KAZN: variants seen among roughly 807,000 people sequenced by gnomAD.
The protein encoded by KAZN is kazrin.
Under a neutral mutation model 87.4 loss-of-function variants are expected in KAZN, and 40 were observed. The ratio of observed to expected loss-of-function variants is 0.46; its 90% CI spans 0.36 to 0.60. The LOEUF (loss-of-function observed/expected upper bound fraction) is 0.60. Ranked by LOEUF, KAZN falls within the 20% of genes least tolerant of loss-of-function variation. The pLI is 0.00. For missense variants in KAZN, 898 were observed against 1,073.9 expected (o/e 0.84, Z 2.29); for synonymous variants, 466 against 458.3 (o/e 1.02, Z -0.22).
chr1:14,000,130 G>C (rs1220559136), intron 1 of KAZN, among the ~76,000 whole-genome samples: 2 of 152,168 alleles, frequency 1.3e-5, no homozygotes, highest in African/African-American at 4.8e-5. Context: ...ACAAAGAGGA[G>C]CTTGTGCCAT....
intron 2 of KAZN, among the ~76,000 whole-genome samples, chr1:14,421,447 C>T (rs1339737103): frequency 6.6e-6 from 1 of 152,140 alleles, no homozygotes; most frequent in Non-Finnish European, 1.5e-5. Flanking sequence ...AAAACACATC[C>T]CTTGATCCCT....
intron 2 of KAZN, among the ~76,000 whole-genome samples, chr1:14,982,910 A>G (rs1352392164): frequency 1.3e-5 from 2 of 152,158 alleles, no homozygotes; most frequent in Non-Finnish European, 2.9e-5. Context: ...AGAGGTCCCC[A>G]TTAGTAAAGG....
At chr1:13,937,469 A>G (rs182504267) in intron 1 of KAZN, among the ~76,000 whole-genome samples, 52 of 152,306 alleles carry the variant, frequency 3.4e-4, no homozygotes, top group African/African-American at 1.2e-3. Context: ...CTCCCATTGC[A>G]TAGGTTGTCT....
rs1313395813 is a variant in KAZN, at chr1:14,514,414, A to ATATTTATATAT, written c.250-84569_250-84568insTATTTATATAT. On this transcript the variant is annotated intron_variant, in intron 2 of 16. Transcript: ENST00000636203. ...ATATATATTTATATATATAATATAT[A>ATATTTATATAT]AATATATATATAATATATATAATTG... Among the ~76,000 whole-genome samples, 4 of 27,398 alleles carry ATATTTATATAT rather than the reference A, an allele frequency of 1.5e-4. 1 individual carries two copies. The highest frequency in any genetic ancestry group is 5.7e-4 in the Admixed American group (1 of 1,766). The allele number at this position is 27,398 out of a possible 152,430, so 18.0% of individuals were successfully genotyped here. A position where few individuals can be genotyped will look rare whatever the true frequency, so the allele number is the denominator to read the frequency against.
chr1:14,417,435 G>C (rs547580633), intron 2 of KAZN, among the ~76,000 whole-genome samples: 1 of 152,146 alleles, frequency 6.6e-6, no homozygotes, highest in African/African-American at 2.4e-5. Flanking sequence ...TCACAGAAAG[G>C]TGAACTAAGA....
At chr1:15,101,912 T>G (rs1641085410) in intron 11 of KAZN, 138 bp downstream of exon 11, 1 of 658,058 alleles carries the variant, frequency 1.5e-6, no homozygotes, top group Non-Finnish European at 2.7e-6. Context: ...AGCCATCCAT[T>G]TATTGATCAT....
At chr1:13,923,465 G>A (rs34338528) in intron 1 of KAZN, among the ~76,000 whole-genome samples, 3 of 151,050 alleles carry the variant, frequency 2.0e-5, no homozygotes, top group Non-Finnish European at 4.4e-5. Flanking sequence ...CCCAGCTACT[G>A]GGGAGGCTGA....
At chr1:14,255,691 C>T (rs908357572) in intron 2 of KAZN, among the ~76,000 whole-genome samples, 8 of 152,240 alleles carry the variant, frequency 5.3e-5, no homozygotes, top group African/African-American at 7.2e-5. Context: ...TACTTACAAC[C>T]TGTCTGACAC....
chr1:14,320,745 T>G (rs1655990691), intron 2 of KAZN, among the ~76,000 whole-genome samples: 1 of 152,188 alleles, frequency 6.6e-6, no homozygotes, highest in Non-Finnish European at 1.5e-5. Flanking sequence ...GTTGGCAGAC[T>G]TTCCTTTAGC....
At chr1:14,042,161 A>C (rs1641865209) in intron 1 of KAZN, among the ~76,000 whole-genome samples, 1 of 151,386 alleles carries the variant, frequency 6.6e-6, no homozygotes, top group South Asian at 2.1e-4. Flanking sequence ...GATTGACCTA[A>C]TTTTCTTTTT....
At chr1:14,871,517 C>T (rs1360559295) in intron 1 of KAZN, among the ~76,000 whole-genome samples, 1 of 151,960 alleles carries the variant, frequency 6.6e-6, no homozygotes, top group Admixed American at 6.6e-5. Context: ...GGGCGTGCCA[C>T]ACCATTATTA....
intron 2 of KAZN, among the ~76,000 whole-genome samples, chr1:14,379,470 GACA>G (rs1643007738): frequency 6.6e-6 from 1 of 152,050 alleles, no homozygotes; most frequent in African/African-American, 2.4e-5. Flanking sequence ...TTGGCTCTTA[GACA>G]ACGTCTATGC....
chr1:14,477,135 G>A (rs1346831530), intron 2 of KAZN, among the ~76,000 whole-genome samples: 2 of 152,138 alleles, frequency 1.3e-5, no homozygotes, highest in Non-Finnish European at 2.9e-5. Flanking sequence ...CTGGTGGGAG[G>A]TCATTAAATT....
chr1:14,641,373 GA>G (rs1680394913), intron 1 of KAZN, among the ~76,000 whole-genome samples: 1 of 152,196 alleles, frequency 6.6e-6, no homozygotes, highest in Non-Finnish European at 1.5e-5. Flanking sequence ...CAGGATGATG[GA>G]AAATAAAAAA....
At chr1:13,950,544 A>G (rs766178014) in intron 1 of KAZN, among the ~76,000 whole-genome samples, 3 of 152,188 alleles carry the variant, frequency 2.0e-5, no homozygotes, top group Non-Finnish European at 4.4e-5. Context: ...TTACTAGACT[A>G]TCAGGAAACA....
chr1:13,978,795 T>C (rs1031412499), intron 1 of KAZN, among the ~76,000 whole-genome samples: 5 of 151,164 alleles, frequency 3.3e-5, no homozygotes, highest in South Asian at 2.1e-4. Flanking sequence ...AGAGAGTATG[T>C]AATTAATGGA....
intron 2 of KAZN, among the ~76,000 whole-genome samples, chr1:14,337,721 C>T (rs1161730215): frequency 1.3e-5 from 2 of 152,054 alleles, no homozygotes; most frequent in Non-Finnish European, 2.9e-5. Flanking sequence ...TGGCAAAACA[C>T]CGTCTCTACT....
chr1:14,195,509 G>GCT (rs1432652172), intron 2 of KAZN, among the ~76,000 whole-genome samples: 1 of 38,230 alleles, frequency 2.6e-5, no homozygotes, highest in African/African-American at 9.1e-5. Flanking sequence ...TACAAAAACG[G>GCT]CTCACACACA....
intron 1 of KAZN, among the ~76,000 whole-genome samples, chr1:14,860,224 C>A (rs1650676198): frequency 6.6e-6 from 1 of 151,918 alleles, no homozygotes; most frequent in Admixed American, 6.6e-5. Flanking sequence ...CAGGGTCTCA[C>A]TCTGTTGCCC....
Sources: gnomAD v4.1 joint callset for allele counts (sites outside exome capture counted in the v4.1 genomes callset) on GRCh38, gnomAD v4.1.1 for gene constraint, MANE v1.5 for transcripts, NCBI Gene and HGNC (gene_info 2026-07-23, HGNC 2026-07-21) for gene names.